Variants in MYO3B observed in about 807,000 individuals in gnomAD.
The protein encoded by MYO3B is myosin IIIB, also known as myosin-IIIb.
Under a neutral mutation model 174.6 loss-of-function variants are expected in MYO3B, and 156 were observed. The ratio of observed to expected loss-of-function variants is 0.89; its 90% CI spans 0.78 to 1.02. The LOEUF (loss-of-function observed/expected upper bound fraction) is 1.02, where lower values mean the gene tolerates loss of function less well. MYO3B is among the 50% of genes least tolerant of loss of function. MYO3B has a pLI of 0.00. For missense variants in MYO3B, 1,632 were observed against 1,639.4 expected, an observed-to-expected ratio of 1.00 and a Z score of 0.08; for synonymous variants, 563 against 569.1, an observed-to-expected ratio of 0.99 and a Z score of 0.15.
chr2:170,202,599 A>G (rs910617890), intron 3 of MYO3B, among the ~76,000 whole-genome samples: 2 of 152,196 alleles, frequency 1.3e-5, no homozygotes, highest in South Asian at 4.1e-4. Context: ...ATTTTCTTTC[A>G]CCATGTGCAG....
At chr2:170,614,424 A>G (rs1336088424) in intron 32 of MYO3B, among the ~76,000 whole-genome samples, 1 of 152,078 alleles carries the variant, frequency 6.6e-6, no homozygotes, top group Non-Finnish European at 1.5e-5. Flanking sequence ...GCTGCAAGGT[A>G]GGAACTCCCT....
chr2:170,344,846 G>C (rs556641008), intron 8 of MYO3B: 6 of 152,246 alleles, frequency 3.9e-5, no homozygotes, highest in Non-Finnish European at 8.8e-5. Flanking sequence ...AGGAGAAACT[G>C]TAGGGCCCCG....
intron 23 of MYO3B, among the ~76,000 whole-genome samples, chr2:170,459,922 C>T (rs9967679): frequency 0.27 from 41,738 of 152,016 alleles, 6,022 homozygotes; most frequent in Admixed American, 0.37. Flanking sequence ...GCTTCCAGTG[C>T]AGGGCCGACT....
chr2:170,535,202 G>A (rs529843352), intron 30 of MYO3B, among the ~76,000 whole-genome samples: 1 of 152,170 alleles, frequency 6.6e-6, no homozygotes, highest in Non-Finnish European at 1.5e-5. Context: ...TACAATAGTA[G>A]GAGACAAATT....
chr2:170,258,933 T>C (rs376843766), intron 7 of MYO3B, among the ~76,000 whole-genome samples: 4 of 152,196 alleles, frequency 2.6e-5, no homozygotes, highest in African/African-American at 9.6e-5. Flanking sequence ...TTGTTCAAAC[T>C]GAGAGCCAAA....
rs6758354 is a variant in MYO3B, at chr2:170,339,492, G to A, written c.815+4042G>A. On this transcript the variant is annotated intron_variant, in intron 8 of 34. Transcript: ENST00000408978. The stretch of plus-strand genomic sequence containing the variant: ...AACAAGTTGGTCTGGCTGCAGCCTA[G>A]TGATTATAGCTATGTAGACAGGGCA... 2.8e-3 allele frequency among the ~76,000 whole-genome samples: 432 copies of A among 152,284 alleles called. 7 individuals are homozygous for A. Among genetic ancestry groups the A allele is most frequent in the African/African-American group, 9.9e-3 (412 of 41,570 alleles).
chr2:170,610,607 A>G lies in MYO3B; in HGVS notation c.3734-41021A>G, dbSNP rs73030771. 6.5e-3 allele frequency among the ~76,000 whole-genome samples: 992 copies of G among 152,334 alleles called. 9 individuals carry two copies. Among genetic ancestry groups the G allele is most frequent in the African/African-American group, 0.022 (922 of 41,582 alleles). ...TGGTAGCTTTCTCAAATGAATTTAA[A>G]TAACTTCCTACTTCCCACTACATCC... is the stretch of plus-strand genomic sequence containing the variant. On this transcript the variant is annotated intron_variant, in intron 32 of 34. Transcript: ENST00000408978.
chr2:170,252,658 T>C (rs1030198354), intron 7 of MYO3B, among the ~76,000 whole-genome samples: 10 of 152,094 alleles, frequency 6.6e-5, no homozygotes, highest in African/African-American at 2.4e-4. Flanking sequence ...ATAAATAATA[T>C]GCTAGGTGAC....
At position 170,404,338 on chromosome 2, in the gene MYO3B, G is replaced by T; in HGVS notation, c.2369G>T (p.Gly790Val). The T allele has an allele frequency of 6.2e-7, 1 of 1,613,920 alleles. No individual in the cohort carries two copies. The highest frequency in any genetic ancestry group is 8.5e-7 in the Non-Finnish European group (1 of 1,179,918). ...LLDMFLQKPL[G>V]LLALLDEESR... ...GACATGTTCCTCCAGAAACCCCTGGGACTGCTTGCACTTTTGGATGAGGAA... is the reference window on the plus strand; with the variant it reads ...GACATGTTCCTCCAGAAACCCCTGGTACTGCTTGCACTTTTGGATGAGGAA... Residue 790 changes from glycine to valine, a missense_variant, in exon 20 of 35, where the codon GGA (glycine) becomes GTA (valine). Physicochemically the swap from Gly to Val is moderately radical, Grantham distance 109. Coordinates refer to ENST00000408978, the MANE Select transcript of MYO3B (RefSeq NM_138995.5).
intron 29 of MYO3B, among the ~76,000 whole-genome samples, chr2:170,517,417 T>C (rs1420094618): frequency 2.0e-5 from 3 of 152,184 alleles, no homozygotes; most frequent in African/African-American, 4.8e-5. Context: ...GGCACCTTCA[T>C]AAGGAGAGTC....
chr2:170,494,727 C>CAAAAAAAAAAAAAAAAAA (rs3066990), intron 25 of MYO3B, among the ~76,000 whole-genome samples: 1 of 92,038 alleles, frequency 1.1e-5, no homozygotes, highest in Non-Finnish European at 2.1e-5. Flanking sequence ...AACTGCGTCT[C>CAAAAAAAAAAAAAAAAAA]AAAAAAAAAA....
At chr2:170,394,612 A>G (rs963649723) in intron 16 of MYO3B, among the ~76,000 whole-genome samples, 1 of 152,246 alleles carries the variant, frequency 6.6e-6, no homozygotes, top group African/African-American at 2.4e-5. Flanking sequence ...CTGTTAAATG[A>G]ATAACCAGAA....
intron 32 of MYO3B, among the ~76,000 whole-genome samples, chr2:170,636,163 G>A (rs759435453): frequency 5.9e-5 from 9 of 152,038 alleles, no homozygotes; most frequent in South Asian, 2.1e-4. Flanking sequence ...ACGATCTCTC[G>A]CCACTATCAA....
Position 170,381,822 on chromosome 2 carries a change from T to A in MYO3B, c.972-194T>A, listed in dbSNP as rs542899693. Among the ~76,000 whole-genome samples the A allele has an allele frequency of 7.2e-5, 11 of 152,322 alleles. No individual in the cohort carries two copies. In the East Asian group the frequency reaches 2.1e-3, roughly 29 times the overall value. On this transcript the variant is annotated intron_variant, in intron 9 of 34. Coordinates refer to ENST00000408978, the MANE Select transcript of MYO3B (RefSeq NM_138995.5). ...ACTCTGGCAGGAAGTAGACTTGAAC[T>A]ATGGAGATCACTTTATCCCAATAGT... is the stretch of plus-strand genomic sequence containing the variant.
intron 32 of MYO3B, among the ~76,000 whole-genome samples, chr2:170,642,319 C>T (rs1244248579): frequency 2.6e-5 from 4 of 152,170 alleles, no homozygotes; most frequent in African/African-American, 7.2e-5. Context: ...TCCACATAGA[C>T]AATTTATAAC....
rs1004613205 is a variant in MYO3B, at chr2:170,501,321, C to T, written c.3290-464C>T. Reference sequence around the variant, plus strand: ...TGCTACTTATCATTTCCCTTAACTCCGCTCTTTCTCTTCTTCAACTTTCCT... The same window carrying T: ...TGCTACTTATCATTTCCCTTAACTCTGCTCTTTCTCTTCTTCAACTTTCCT... On this transcript the variant is annotated intron_variant, in intron 27 of 34. Transcript: ENST00000408978. 1.6e-4 allele frequency among the ~76,000 whole-genome samples: 24 copies of T among 152,278 alleles called. 1 individual carries two copies. Among genetic ancestry groups the T allele is most frequent in the South Asian group, 4.1e-4 (2 of 4,824 alleles).
intron 25 of MYO3B, among the ~76,000 whole-genome samples, chr2:170,478,942 T>TAA (rs1359370868): frequency 2.7e-4 from 40 of 149,966 alleles, no homozygotes; most frequent in Non-Finnish European, 4.1e-4. Flanking sequence ...TATATATATA[T>TAA]AATAGGTGTT....
At chr2:170,372,864 A>G (rs949251349) in intron 9 of MYO3B, among the ~76,000 whole-genome samples, 1 of 152,164 alleles carries the variant, frequency 6.6e-6, no homozygotes, top group Non-Finnish European at 1.5e-5. Flanking sequence ...AGAAAGAGCA[A>G]TGAGCAAAGG....
intron 7 of MYO3B, among the ~76,000 whole-genome samples, chr2:170,257,498 A>G (rs555803378): frequency 6.3e-4 from 96 of 152,310 alleles, no homozygotes; most frequent in African/African-American, 2.3e-3. Context: ...TTGGGTAAAT[A>G]ACAAAATTAA....
Sources: allele counts gnomAD v4.1 joint callset (sites outside exome capture counted in the v4.1 genomes callset), GRCh38; gene constraint gnomAD v4.1.1; transcripts MANE v1.5; gene names NCBI Gene and HGNC (gene_info 2026-07-23, HGNC 2026-07-21).